Variants in BMPR1A observed in about 807,000 individuals in gnomAD.
BMPR1A encodes bone morphogenetic protein receptor type-1A.
A neutral mutation model predicts 66.0 loss-of-function variants in BMPR1A; 7 were observed. That is an observed-to-expected ratio of 0.11 (90% CI 0.06 to 0.20). The LOEUF (loss-of-function observed/expected upper bound fraction) is 0.20. BMPR1A is among the 10% of genes least tolerant of loss of function. The pLI, the probability that BMPR1A is intolerant of heterozygous loss-of-function variation, is 1.00. For synonymous variants in BMPR1A, 200 were observed against 229.7 expected (o/e 0.87, Z 1.17); for missense variants, 408 against 669.1 (o/e 0.61, Z 4.31).
At chr10:86,786,161 A>C (rs1841512324) in intron 1 of BMPR1A, among the ~76,000 whole-genome samples, 1 of 152,154 alleles carries the variant, frequency 6.6e-6, no homozygotes, top group South Asian at 2.1e-4. Context: ...GCCAGGGCCA[A>C]AACCTGCACT....
chr10:86,855,782 CTTG>C, intron 2 of BMPR1A: 2 of 1,146,548 alleles, frequency 1.7e-6, no homozygotes, highest in Non-Finnish European at 2.5e-6. Context: ...TCGTCTAATA[CTTG>C]TTGAATTTGG....
chr10:86,856,085 A>C, intron 2 of BMPR1A: 1 of 547,962 alleles, frequency 1.8e-6, no homozygotes, highest in Non-Finnish European at 3.6e-6. Flanking sequence ...TTGCTGCAAA[A>C]AGACTTTCTT....
chr10:86,814,911 G>A (rs1842014530), intron 1 of BMPR1A, among the ~76,000 whole-genome samples: 1 of 151,942 alleles, frequency 6.6e-6, no homozygotes, highest in African/African-American at 2.4e-5. Flanking sequence ...TCAGCCTCCC[G>A]AGTAGCTGGG....
At chr10:86,863,885 T>A (rs902338367) in intron 2 of BMPR1A, among the ~76,000 whole-genome samples, 18 of 152,350 alleles carry the variant, frequency 1.2e-4, no homozygotes, top group Non-Finnish European at 2.1e-4. Flanking sequence ...ATGATTGATT[T>A]TTAAAAATTG....
chr10:86,835,263 A>C (rs1038828300), intron 1 of BMPR1A, among the ~76,000 whole-genome samples: 3 of 148,288 alleles, frequency 2.0e-5, no homozygotes, highest in African/African-American at 4.9e-5. Flanking sequence ...AAAAAAAAAA[A>C]CAGAAAAAAA....
At chr10:86,856,124 T>A in intron 2 of BMPR1A, 1 of 520,646 alleles carries the variant, frequency 1.9e-6, no homozygotes, top group Non-Finnish European at 3.8e-6. Flanking sequence ...TTATTGGTTT[T>A]GAAATTTTAT....
chr10:86,841,752 C>G (rs1482412988), intron 2 of BMPR1A, among the ~76,000 whole-genome samples: 1 of 152,144 alleles, frequency 6.6e-6, no homozygotes, highest in South Asian at 2.1e-4. Context: ...GGATTAGAGT[C>G]AGAACTTTCA....
At chr10:86,855,799 GT>G in intron 2 of BMPR1A, 1 of 1,140,292 alleles carries the variant, frequency 8.8e-7, no homozygotes, top group Non-Finnish European at 1.3e-6. Flanking sequence ...AATTTGGTCT[GT>G]TTCCTGGTAG....
chr10:86,787,892 A>T (rs1589715928), intron 1 of BMPR1A, among the ~76,000 whole-genome samples: 1 of 136,160 alleles, frequency 7.3e-6, no homozygotes, highest in Admixed American at 7.3e-5. Flanking sequence ...GCCCCCCCCC[A>T]TAATCCAATC....
chr10:86,890,494 T>G (rs1042449794), intron 4 of BMPR1A, among the ~76,000 whole-genome samples: 2 of 152,144 alleles, frequency 1.3e-5, no homozygotes, highest in African/African-American at 4.8e-5. Context: ...TTTAATGATC[T>G]TTTAATCTTA....
Position 86,759,865 on chromosome 10 carries a change from G to A in BMPR1A, c.-268+2946G>A, listed in dbSNP as rs184245909. ...TCTTTAATAGCTGTTGGTTTGTGTCGATTTTCTGATTCTCATATGAATTTT... is the reference window on the plus strand; with the variant it reads ...TCTTTAATAGCTGTTGGTTTGTGTCAATTTTCTGATTCTCATATGAATTTT... On this transcript the variant is annotated intron_variant, in intron 1 of 12. Transcript: ENST00000372037. 2.2e-4 allele frequency among the ~76,000 whole-genome samples: 34 copies of A among 152,046 alleles called. No homozygotes were observed. The East Asian group carries it at 5.6e-3, about 25-fold the overall frequency.
intron 2 of BMPR1A, among the ~76,000 whole-genome samples, chr10:86,862,341 C>G (rs896679682): frequency 6.6e-6 from 1 of 152,124 alleles, no homozygotes; most frequent in African/African-American, 2.4e-5. Flanking sequence ...GGGATCTGCA[C>G]GTGCCAGGGT....
chr10:86,870,803 C>T (rs1279477219), intron 2 of BMPR1A, among the ~76,000 whole-genome samples: 1 of 151,854 alleles, frequency 6.6e-6, no homozygotes, highest in East Asian at 1.9e-4. Context: ...ATTCATCCAT[C>T]TGCACACGGA....
Position 86,790,210 on chromosome 10 carries a change from T to A in BMPR1A, c.-268+33291T>A, listed in dbSNP as rs865790496. On this transcript the variant is annotated intron_variant, in intron 1 of 12. Transcript: ENST00000372037. ...AAAAATATATATATATATATATATA[T>A]ATATATATATATATATATATATATA... Among the ~76,000 whole-genome samples the A allele has an allele frequency of 5.6e-3, 416 of 73,718 alleles. 90 individuals carry two copies. Among genetic ancestry groups the A allele is most frequent in the East Asian group, 9.4e-3 (25 of 2,672 alleles). 48.4% of individuals were successfully genotyped at this position (73,718 alleles called of 152,430 possible). A position where few individuals can be genotyped will look rare whatever the true frequency, so the allele number is the denominator to read the frequency against.
chr10:86,805,730 G>C (rs1451227758), intron 1 of BMPR1A, among the ~76,000 whole-genome samples: 2 of 151,884 alleles, frequency 1.3e-5, no homozygotes, highest in Non-Finnish European at 1.5e-5. Flanking sequence ...CAAAATGCTG[G>C]GATTACAGGT....
upstream of BMPR1A, chr10:86,755,994 C>G (rs932070871): frequency 1.3e-5 from 2 of 152,256 alleles, no homozygotes. Flanking sequence ...TGCAATGTGA[C>G]TTATATTTTT....
At chr10:86,876,712 C>T (rs1488651982) in intron 3 of BMPR1A, among the ~76,000 whole-genome samples, 1 of 152,162 alleles carries the variant, frequency 6.6e-6, no homozygotes, top group Non-Finnish European at 1.5e-5. Flanking sequence ...GTGGAAGCTG[C>T]AGTGAGCTGA....
At chr10:86,840,447 A>G (rs1273455682) in intron 2 of BMPR1A, among the ~76,000 whole-genome samples, 1 of 151,504 alleles carries the variant, frequency 6.6e-6, no homozygotes, top group African/African-American at 2.4e-5. Flanking sequence ...TTATTTAATT[A>G]CTCCTTGACC....
intron 1 of BMPR1A, among the ~76,000 whole-genome samples, chr10:86,811,497 T>A (rs4933413): frequency 0.22 from 33,386 of 152,180 alleles, 4,791 homozygotes; most frequent in East Asian, 0.64. Context: ...TTTTGCCTAT[T>A]TGACCTGTAG....
Sources: gnomAD v4.1 joint callset for allele counts (sites outside exome capture counted in the v4.1 genomes callset) on GRCh38, gnomAD v4.1.1 for gene constraint, MANE v1.5 for transcripts, NCBI Gene and HGNC (gene_info 2026-07-23, HGNC 2026-07-21) for gene names.